The following TNFRSF10B variants were observed in gnomAD, a reference collection of about 807,000 sequenced individuals.
The protein encoded by TNFRSF10B is tumor necrosis factor receptor superfamily member 10B.
Under a neutral mutation model 41.4 loss-of-function variants are expected in TNFRSF10B, and 35 were observed. That is an observed-to-expected ratio of 0.85 (90% confidence interval 0.65 to 1.12). The LOEUF is 1.12. TNFRSF10B is among the 50% of genes most tolerant of loss of function. The probability of loss-of-function intolerance (pLI) is 0.00; values close to 1 mark genes in which losing one functional copy is unlikely to be tolerated. For missense variants in TNFRSF10B, 584 were observed against 552.7 expected (o/e 1.06, Z -0.57); for synonymous variants, 230 against 215.5 (o/e 1.07, Z -0.59).
intron 2 of TNFRSF10B, among the ~76,000 whole-genome samples, chr8:23,036,255 GTTTCCA>G (rs1054163697): frequency 6.8e-4 from 103 of 152,270 alleles, no homozygotes; most frequent in African/African-American, 2.3e-3. Flanking sequence ...ACAGCCTAAA[GTTTCCA>G]TTTCCATTTT....
chr8:23,045,733 T>C (rs1357853851), intron 1 of TNFRSF10B, among the ~76,000 whole-genome samples: 1 of 152,192 alleles, frequency 6.6e-6, no homozygotes, highest in African/African-American at 2.4e-5. Flanking sequence ...AAAAGAATCA[T>C]TGACCATGAT....
At chr8:23,030,983 ATC>A in intron 2 of TNFRSF10B, 111 bp from the exon 3 acceptor site, 1 of 758,124 alleles carries the variant, frequency 1.3e-6, no homozygotes, top group South Asian at 1.5e-5. Context: ...AAAGAGGGAA[ATC>A]TCCTCTACCT....
intron 5 of TNFRSF10B, chr8:23,027,982 C>G: frequency 1.6e-6 from 1 of 618,724 alleles, no homozygotes; most frequent in Non-Finnish European, 2.8e-6. Flanking sequence ...TCTGCTCTGA[C>G]CAAGGCTGAA....
At chr8:23,064,018 T>C (rs1812911002) in intron 1 of TNFRSF10B, among the ~76,000 whole-genome samples, 2 of 152,194 alleles carry the variant, frequency 1.3e-5, no homozygotes, top group Non-Finnish European at 2.9e-5. Context: ...ATGGAAGGCA[T>C]GTAGGCGCCT....
chr8:23,028,312 G>A lies in TNFRSF10B; in HGVS notation c.748+19C>T, dbSNP rs201153109. ...AGGGCAGAGAGTGCCCTGTGCCCCC[G>A]CCCTCAGCCAGCACCTACCTGAGCA... On this transcript the variant is annotated intron_variant, in intron 5 of 8. Coordinates refer to ENST00000276431, the MANE Select transcript of TNFRSF10B (RefSeq NM_003842.5). 31 of 1,613,516 alleles carry A rather than the reference G, an allele frequency of 1.9e-5. 1 individual carries two copies. Among genetic ancestry groups the A allele is most frequent in the Middle Eastern group, 3.3e-4 (2 of 6,038 alleles).
intron 7 of TNFRSF10B, among the ~76,000 whole-genome samples, chr8:23,024,696 C>T (rs7841989): frequency 0.85 from 129,074 of 152,072 alleles, 55,361 homozygotes; most frequent in East Asian, 0.98. Flanking sequence ...ATTATTTTAT[C>T]GTATTTTTAT....
At chr8:23,042,208 G>A (rs1812222252) in intron 2 of TNFRSF10B, among the ~76,000 whole-genome samples, 1 of 152,202 alleles carries the variant, frequency 6.6e-6, no homozygotes, top group Admixed American at 6.5e-5. Context: ...GCTTCACGCT[G>A]GGTTCTTCCT....
chr8:23,025,648 A>G (rs1193610178), intron 7 of TNFRSF10B, among the ~76,000 whole-genome samples: 2 of 152,236 alleles, frequency 1.3e-5, no homozygotes, highest in Non-Finnish European at 2.9e-5. Context: ...TTAGCAAAGA[A>G]TCACAAGAAA....
At chr8:23,045,059 A>C (rs4510861) in intron 1 of TNFRSF10B, among the ~76,000 whole-genome samples, 1 of 119,190 alleles carries the variant, frequency 8.4e-6, no homozygotes, top group African/African-American at 3.4e-5. Context: ...CTAATAAAAT[A>C]CAAAAAAAAA....
At chr8:23,068,714 C>T in intron 1 of TNFRSF10B, 37 bp downstream of exon 1, 1 of 1,549,826 alleles carries the variant, frequency 6.5e-7, no homozygotes, top group Non-Finnish European at 8.7e-7. Context: ...GCGCCAGGCA[C>T]GCTCTTCCCC....
At chr8:23,060,395 G>A (rs1165657579) in intron 1 of TNFRSF10B, among the ~76,000 whole-genome samples, 1 of 152,064 alleles carries the variant, frequency 6.6e-6, no homozygotes, top group Non-Finnish European at 1.5e-5. Context: ...TTGAAAAGAC[G>A]GCCCTTTCCT....
chr8:23,065,955 A>G (rs943378865), intron 1 of TNFRSF10B, among the ~76,000 whole-genome samples: 2 of 152,194 alleles, frequency 1.3e-5, no homozygotes, highest in African/African-American at 4.8e-5. Flanking sequence ...ATACTCAAGA[A>G]TATTTAAAAA....
In TNFRSF10B at chr8:23,020,384, C is replaced by T. The variant is rs566248747; in HGVS notation, c.*2287G>A. The T allele has an allele frequency of 6.4e-5, 29 of 454,030 alleles. No individual in the cohort carries two copies. The highest frequency in any genetic ancestry group is 2.6e-4 in the South Asian group (17 of 64,470). 28.1% of individuals were successfully genotyped at this position (454,030 alleles called of 1,614,324 possible). A position where few individuals can be genotyped will look rare whatever the true frequency, so the allele number is the denominator to read the frequency against. On this transcript the variant is annotated 3_prime_UTR_variant, in exon 9 of 9. Transcript: ENST00000276431. ...AACAAAACCCCCAATTATTTCATGT[C>T]GTCAGGAAGCTTACTTTAAAAGAAT...
chr8:23,056,665 G>A (rs1585225361), intron 1 of TNFRSF10B, among the ~76,000 whole-genome samples: 2 of 145,642 alleles, frequency 1.4e-5, no homozygotes, highest in South Asian at 4.4e-4. Context: ...AAAAAAAAAA[G>A]AGAACCATAT....
Position 23,028,507 on chromosome 8 carries a change from A to G in TNFRSF10B, c.572T>C (p.Val191Ala), listed in dbSNP as rs13265018. ...GGTCACCGTCTCCTCCACAGCTGGGACTTCCCCACTGTGCTTTGTACCTGA... is the reference window on the plus strand; with the variant it reads ...GGTCACCGTCTCCTCCACAGCTGGGGCTTCCCCACTGTGCTTTGTACCTGA... The part of the protein sequence containing the change: ...KESGTKHSGE[V>A]PAVEETVTSS... Residue 191 changes from valine (V) to alanine (A), a missense_variant, in exon 5 of 9, where the codon GTC becomes GCC. Coordinates refer to ENST00000276431, the MANE Select transcript of TNFRSF10B (RefSeq NM_003842.5). The G allele has an allele frequency of 0.89, 1,437,483 of 1,614,022 alleles. 641,531 individuals carry two copies. The highest frequency in any genetic ancestry group is 0.98 in the East Asian group (43,775 of 44,870).
intron 1 of TNFRSF10B, among the ~76,000 whole-genome samples, chr8:23,055,401 A>G (rs1422650169): frequency 1.3e-5 from 2 of 152,086 alleles, no homozygotes; most frequent in African/African-American, 4.8e-5. Context: ...ATACACAAGC[A>G]TGATAGAAAT....
rs748466642 is a variant in TNFRSF10B, at chr8:23,040,466, C to CAAAATATATATTTATTATATATAT, written c.250+2671_250+2672insATATATATAATAAATATATATTTT. Among the ~76,000 whole-genome samples the CAAAATATATATTTATTATATATAT allele has an allele frequency of 3.0e-5, 2 of 65,824 alleles. 1 individual carries two copies. Among genetic ancestry groups the CAAAATATATATTTATTATATATAT allele is most frequent in the East Asian group, 9.8e-4 (2 of 2,040 alleles). 43.2% of individuals were successfully genotyped at this position (65,824 alleles called of 152,430 possible). On this transcript the variant is annotated intron_variant, in intron 2 of 8. Transcript: ENST00000276431. ...AATATATATTTATTAAATATATATA[C>CAAAATATATATTTATTATATATAT]ACAAAATATATATTTAAGAAAAACA...
intron 1 of TNFRSF10B, among the ~76,000 whole-genome samples, chr8:23,045,060 CAAAAAAAAAAAA>C (rs35953846): frequency 4.4e-4 from 17 of 38,812 alleles, no homozygotes; most frequent in Admixed American, 1.2e-3. Context: ...TAATAAAATA[CAAAAAAAAAAAA>C]AAAAAAAAAA....
chr8:23,039,088 G>A (rs979191135), intron 2 of TNFRSF10B, among the ~76,000 whole-genome samples: 1 of 151,494 alleles, frequency 6.6e-6, no homozygotes, highest in Admixed American at 6.6e-5. Context: ...CAGATCATCA[G>A]GCATTAGATT....
Sources: gnomAD v4.1 joint callset for allele counts (sites outside exome capture counted in the v4.1 genomes callset) on GRCh38, gnomAD v4.1.1 for gene constraint, MANE v1.5 for transcripts, NCBI Gene and HGNC (gene_info 2026-07-23, HGNC 2026-07-21) for gene names.